Variants in INPP4B observed in about 807,000 individuals in gnomAD.
INPP4B encodes inositol polyphosphate 4-phosphatase type II.
A neutral mutation model predicts 122.5 loss-of-function variants in INPP4B; 55 were observed. The ratio of observed to expected loss-of-function variants is 0.45; its 90% CI spans 0.36 to 0.56. The LOEUF (loss-of-function observed/expected upper bound fraction) is 0.56. INPP4B is among the 20% of genes least tolerant of loss of function. INPP4B has a pLI of 0.00. For missense variants in INPP4B, 1,000 were observed against 1,097.7 expected (o/e 0.91, Z 1.26); for synonymous variants, 403 against 388.7 (o/e 1.04, Z -0.43).
At chr4:142,275,261 G>C (rs1747823991) in intron 9 of INPP4B, among the ~76,000 whole-genome samples, 1 of 151,582 alleles carries the variant, frequency 6.6e-6, no homozygotes, top group Admixed American at 6.6e-5. Flanking sequence ...AAAGAAAAAA[G>C]AAAAACATCT....
chr4:142,772,085 T>C (rs1773158021), intron 1 of INPP4B, among the ~76,000 whole-genome samples: 1 of 152,182 alleles, frequency 6.6e-6, no homozygotes, highest in Non-Finnish European at 1.5e-5. Flanking sequence ...ATTAAGTAGA[T>C]ACTTGGATAT....
At chr4:142,627,499 T>C (rs1304837125) in intron 2 of INPP4B, among the ~76,000 whole-genome samples, 1 of 139,296 alleles carries the variant, frequency 7.2e-6, no homozygotes, top group Non-Finnish European at 1.6e-5. Flanking sequence ...TTTCTGCATC[T>C]ATTGAGATAA....
At chr4:142,572,947 A>T (rs986957725) in intron 2 of INPP4B, among the ~76,000 whole-genome samples, 3 of 151,904 alleles carry the variant, frequency 2.0e-5, no homozygotes, top group South Asian at 4.1e-4. Flanking sequence ...CCCCACAATT[A>T]TCTTGTATGT....
intron 1 of INPP4B, among the ~76,000 whole-genome samples, chr4:142,761,554 G>A (rs1158726272): frequency 1.3e-5 from 2 of 152,206 alleles, no homozygotes; most frequent in East Asian, 3.9e-4. Context: ...TAAAAAGAGT[G>A]TTCACAGTGG....
chr4:142,470,592 C>T (rs1209970351), intron 2 of INPP4B, among the ~76,000 whole-genome samples: 3 of 152,154 alleles, frequency 2.0e-5, no homozygotes, highest in Admixed American at 2.0e-4. Context: ...TTAATACCCA[C>T]TATACAATAA....
At chr4:142,549,217 T>C (rs1727389909) in intron 2 of INPP4B, among the ~76,000 whole-genome samples, 1 of 152,136 alleles carries the variant, frequency 6.6e-6, no homozygotes, top group Non-Finnish European at 1.5e-5. Context: ...GAAGTTTTTT[T>C]CTCTTCTCCC....
chr4:142,773,903 C>A (rs1218434718), intron 1 of INPP4B, among the ~76,000 whole-genome samples: 2 of 152,074 alleles, frequency 1.3e-5, no homozygotes, highest in African/African-American at 4.8e-5. Context: ...GCGCTGCCTT[C>A]CAAAAGTTAT....
intron 2 of INPP4B, among the ~76,000 whole-genome samples, chr4:142,724,685 G>A (rs1415849569): frequency 6.6e-6 from 1 of 152,080 alleles, no homozygotes; most frequent in Non-Finnish European, 1.5e-5. Context: ...CTTAGGAAAA[G>A]AAGCTATTTT....
At chr4:142,255,201 G>A (rs1301040027) in intron 11 of INPP4B, among the ~76,000 whole-genome samples, 1 of 151,774 alleles carries the variant, frequency 6.6e-6, no homozygotes, top group African/African-American at 2.4e-5. Context: ...GCTCCTGAAG[G>A]AAGCGCTAAA....
intron 3 of INPP4B, among the ~76,000 whole-genome samples, chr4:142,438,209 A>T (rs572636567): frequency 6.6e-6 from 1 of 152,104 alleles, no homozygotes; most frequent in African/African-American, 2.4e-5. Context: ...CTACTTTAAA[A>T]TTCATATGGA....
At chr4:142,030,221 G>T in intron 25 of INPP4B, 3 of 1,535,640 alleles carry the variant, frequency 2.0e-6, no homozygotes, top group Non-Finnish European at 2.6e-6. Context: ...CAGGATAGAA[G>T]TGTCGAGAAG....
intron 3 of INPP4B, among the ~76,000 whole-genome samples, chr4:142,452,931 A>AG (rs1310340498): frequency 1.3e-5 from 2 of 152,168 alleles, no homozygotes; most frequent in Admixed American, 6.6e-5. Context: ...ATGGAACACG[A>AG]GCATTATATA....
intron 1 of INPP4B, among the ~76,000 whole-genome samples, chr4:142,818,829 C>T (rs1368829278): frequency 6.6e-6 from 1 of 152,136 alleles, no homozygotes; most frequent in Non-Finnish European, 1.5e-5. Flanking sequence ...CCCAACATTC[C>T]TGTTTTATTT....
At chr4:142,819,848 A>G (rs571034797) in intron 1 of INPP4B, among the ~76,000 whole-genome samples, 63 of 152,134 alleles carry the variant, frequency 4.1e-4, no homozygotes, top group African/African-American at 1.4e-3. Context: ...TTGGCTGGCA[A>G]TTCAAAGTAT....
At chr4:142,149,470 C>T (rs1443612050) in intron 17 of INPP4B, among the ~76,000 whole-genome samples, 1 of 152,142 alleles carries the variant, frequency 6.6e-6, no homozygotes, top group Non-Finnish European at 1.5e-5. Context: ...AACTTCCATT[C>T]TGTTTGGCTC....
At chr4:142,110,675 T>C (rs554978311) in intron 22 of INPP4B, among the ~76,000 whole-genome samples, 1 of 152,224 alleles carries the variant, frequency 6.6e-6, no homozygotes, top group East Asian at 1.9e-4. Flanking sequence ...GCCATTTTGC[T>C]CCTTTTCCAG....
chr4:142,821,784 C>A (rs1780823719), intron 1 of INPP4B, among the ~76,000 whole-genome samples: 1 of 152,142 alleles, frequency 6.6e-6, no homozygotes, highest in Non-Finnish European at 1.5e-5. Context: ...TCAACAAACA[C>A]TAGTCTGACC....
At chr4:142,762,024 A>C (rs1040263054) in intron 1 of INPP4B, among the ~76,000 whole-genome samples, 8 of 152,168 alleles carry the variant, frequency 5.3e-5, no homozygotes, top group Non-Finnish European at 1.2e-4. Flanking sequence ...AATGTGTTGC[A>C]TAACTTGAGG....
intron 2 of INPP4B, among the ~76,000 whole-genome samples, chr4:142,485,668 G>A (rs995764643): frequency 3.9e-5 from 6 of 152,040 alleles, no homozygotes; most frequent in African/African-American, 1.2e-4. Context: ...TAAAGGCTCA[G>A]GTTAAGAAAT....
Sources: allele counts gnomAD v4.1 joint callset (sites outside exome capture counted in the v4.1 genomes callset), GRCh38; gene constraint gnomAD v4.1.1; transcripts MANE v1.5; gene names NCBI Gene and HGNC (gene_info 2026-07-23, HGNC 2026-07-21).